RIC8B: variants seen among roughly 807,000 people sequenced by gnomAD.
RIC8B encodes RIC8 guanine nucleotide exchange factor B.
In RIC8B, 16 loss-of-function variants were observed where a neutral mutation model predicts 57.5. The observed-to-expected ratio is 0.28, with a 90% confidence interval of 0.19 to 0.42. RIC8B has a LOEUF of 0.42. Ranked by LOEUF, RIC8B falls within the 10% of genes least tolerant of loss-of-function variation. The probability of loss-of-function intolerance (pLI) is 1.00; values close to 1 mark genes in which losing one functional copy is unlikely to be tolerated. For synonymous variants in RIC8B, 216 were observed against 250.8 expected, an observed-to-expected ratio of 0.86 and a Z score of 1.31; for missense variants, 481 against 677.0, an observed-to-expected ratio of 0.71 and a Z score of 3.21.
At chr12:106,797,880 C>G (rs148574232) in intron 2 of RIC8B, 5,655 of 445,242 alleles carry the variant, frequency 0.013, 71 homozygotes, top group Middle Eastern at 0.035. Context: ...CAGCCTGGCT[C>G]CAAGACCCGT....
Position 106,889,145 on chromosome 12 carries a change from G to A in RIC8B, c.*3130G>A, listed in dbSNP as rs889695692. ...AATTTACCCCAAATCCCACCATCCT[G>A]AGATCATCACTGTTAATGTTTTAGT... On this transcript the variant is annotated 3_prime_UTR_variant, in exon 10 of 10. Coordinates refer to ENST00000392837, the MANE Select transcript of RIC8B (RefSeq NM_001330145.2). 2.0e-5 allele frequency: 3 copies of A among 152,070 alleles called. No homozygotes were observed. Among genetic ancestry groups the A allele is most frequent in the African/African-American group, 7.2e-5 (3 of 41,398 alleles). The allele number at this position is 152,070 out of a possible 1,614,324, so 9.4% of individuals were successfully genotyped here.
At chr12:106,794,154 T>C (rs2044374740) in intron 2 of RIC8B, among the ~76,000 whole-genome samples, 1 of 152,078 alleles carries the variant, frequency 6.6e-6, no homozygotes, top group Admixed American at 6.6e-5. Flanking sequence ...TTGAATAAAG[T>C]ACAATAACTG....
chr12:106,836,457 ACTCT>A (rs996131479), intron 4 of RIC8B, among the ~76,000 whole-genome samples: 9 of 151,814 alleles, frequency 5.9e-5, no homozygotes, highest in African/African-American at 2.2e-4. Flanking sequence ...CCAAAATTAA[ACTCT>A]CTATCATCCC....
At chr12:106,852,383 A>G (rs950769126) in intron 7 of RIC8B, among the ~76,000 whole-genome samples, 4 of 152,298 alleles carry the variant, frequency 2.6e-5, no homozygotes, top group South Asian at 4.1e-4. Context: ...GTTTTATAAG[A>G]TAGATAATTT....
intron 7 of RIC8B, among the ~76,000 whole-genome samples, chr12:106,852,338 A>G (rs147718125): frequency 2.4e-3 from 369 of 152,324 alleles, no homozygotes; most frequent in Non-Finnish European, 4.4e-3. Context: ...ATCCCATCTA[A>G]GCAGATCTAT....
At chr12:106,877,848 G>C (rs1271788024) in intron 9 of RIC8B, among the ~76,000 whole-genome samples, 1 of 152,122 alleles carries the variant, frequency 6.6e-6, no homozygotes, top group Non-Finnish European at 1.5e-5. Context: ...GCCATCATTA[G>C]TGTTAAGTGT....
intron 9 of RIC8B, among the ~76,000 whole-genome samples, chr12:106,881,327 CTCTTT>C (rs1950919597): frequency 2.6e-5 from 4 of 151,798 alleles, no homozygotes; most frequent in South Asian, 4.2e-4. Context: ...TATACCGCAT[CTCTTT>C]TGAGTTGTTT....
intron 2 of RIC8B, among the ~76,000 whole-genome samples, chr12:106,791,408 C>T (rs1267381532): frequency 6.6e-6 from 1 of 151,994 alleles, no homozygotes; most frequent in South Asian, 2.1e-4. Flanking sequence ...GAGTTATAAG[C>T]GAAGGACTAA....
At chr12:106,878,944 A>G (rs988728417) in intron 9 of RIC8B, 390 of 985,388 alleles carry the variant, frequency 4.0e-4, no homozygotes, top group Non-Finnish European at 4.6e-4. Context: ...CTGTTTTATC[A>G]AAAGAGCAGA....
intron 2 of RIC8B, among the ~76,000 whole-genome samples, chr12:106,800,520 G>A (rs1052954662): frequency 2.0e-5 from 3 of 152,034 alleles, no homozygotes; most frequent in African/African-American, 7.2e-5. Flanking sequence ...GATTGAGGGG[G>A]GACACAGATC....
chr12:106,805,571 C>A (rs544702753), intron 2 of RIC8B, among the ~76,000 whole-genome samples: 4 of 152,174 alleles, frequency 2.6e-5, no homozygotes, highest in African/African-American at 4.8e-5. Flanking sequence ...CCTCCATCAT[C>A]CCTCACTAGG....
In RIC8B at chr12:106,837,639, G is replaced by GTTT. The variant is rs375634080; in HGVS notation, c.837-4932_837-4930dup. On this transcript the variant is annotated intron_variant, in intron 4 of 9. Transcript: ENST00000392837. ...ATTTATTTACATCTGAAAATCTTTT[G>GTTT]TTTTTTTTTTTTTTTTTTTTGACAG... Among the ~76,000 whole-genome samples, 728 of 115,308 alleles carry GTTT rather than the reference G, an allele frequency of 6.3e-3. 10 individuals are homozygous for GTTT. Among genetic ancestry groups the GTTT allele is most frequent in the Non-Finnish European group, 6.9e-3 (390 of 56,258 alleles). The allele number at this position is 115,308 out of a possible 152,430, so 75.6% of individuals were successfully genotyped here.
At chr12:106,808,116 C>T (rs2045140483) in intron 2 of RIC8B, among the ~76,000 whole-genome samples, 1 of 151,408 alleles carries the variant, frequency 6.6e-6, no homozygotes, top group South Asian at 2.1e-4. Context: ...GGGAAAAAAC[C>T]TCCCAAAACA....
chr12:106,878,832 C>T (rs189760249), intron 9 of RIC8B, among the ~76,000 whole-genome samples: 2 of 151,908 alleles, frequency 1.3e-5, no homozygotes, highest in East Asian at 1.9e-4. Context: ...GTTCCCCCCC[C>T]CTTTTCTTCT....
At position 106,805,732 on chromosome 12, in the gene RIC8B, T is replaced by C. The variant is rs1274217150; in HGVS notation, c.133-8964T>C. Among the ~76,000 whole-genome samples the C allele has an allele frequency of 2.0e-5, 3 of 152,222 alleles. No homozygotes were observed. The East Asian group carries it at 5.8e-4, about 29-fold the overall frequency. On this transcript the variant is annotated intron_variant, in intron 2 of 9. Coordinates refer to ENST00000392837, the MANE Select transcript of RIC8B (RefSeq NM_001330145.2). ...CTCTGCAGTAAGTTCCCCATTTCCCTCTGGATTAATTCCAGACTCTTCATT... is the reference window on the plus strand; with the variant it reads ...CTCTGCAGTAAGTTCCCCATTTCCCCCTGGATTAATTCCAGACTCTTCATT...
intron 1 of RIC8B, among the ~76,000 whole-genome samples, chr12:106,779,233 AT>A (rs58546342): frequency 0.14 from 17,987 of 132,760 alleles, 1,111 homozygotes; most frequent in Middle Eastern, 0.18. Context: ...TCCTATATAC[AT>A]TTTTTTTTTT....
At chr12:106,776,146 G>A (rs1262079847) in intron 1 of RIC8B, among the ~76,000 whole-genome samples, 1 of 152,138 alleles carries the variant, frequency 6.6e-6, no homozygotes, top group East Asian at 1.9e-4. Flanking sequence ...TTGAATTTAC[G>A]TTGTCCAACT....
intron 8 of RIC8B, among the ~76,000 whole-genome samples, chr12:106,862,085 GATTA>G (rs1949966871): frequency 6.6e-6 from 1 of 152,040 alleles, no homozygotes; most frequent in Non-Finnish European, 1.5e-5. Flanking sequence ...CAACAGCCAT[GATTA>G]GTATTGTTAC....
intron 4 of RIC8B, among the ~76,000 whole-genome samples, chr12:106,841,605 G>C (rs1229568628): frequency 1.3e-5 from 2 of 152,052 alleles, no homozygotes; most frequent in Non-Finnish European, 2.9e-5. Flanking sequence ...GCATTTGCAG[G>C]AGTTTATTTT....
Sources: allele counts gnomAD v4.1 joint callset (sites outside exome capture counted in the v4.1 genomes callset), GRCh38; gene constraint gnomAD v4.1.1; transcripts MANE v1.5; gene names NCBI Gene and HGNC (gene_info 2026-07-23, HGNC 2026-07-21).